Variants in MAST2 observed in about 807,000 individuals in gnomAD.
MAST2 encodes the protein microtubule-associated serine/threonine-protein kinase 2.
Under a neutral mutation model 147.4 loss-of-function variants are expected in MAST2, and 70 were observed. The observed-to-expected ratio is 0.47, with a 90% CI of 0.39 to 0.58. MAST2 has a LOEUF of 0.58. MAST2 is among the 20% of genes least tolerant of loss of function. MAST2 has a pLI of 0.00. For missense variants in MAST2, 2,080 were observed against 2,302.3 expected (o/e 0.90, Z 1.98); for synonymous variants, 869 against 896.8 (o/e 0.97, Z 0.55).
intron 3 of MAST2, among the ~76,000 whole-genome samples, chr1:45,846,824 TA>T (rs34512504): frequency 0.47 from 68,202 of 146,366 alleles, 15,539 homozygotes; most frequent in East Asian, 0.64. Context: ...GACTCCGTCT[TA>T]AAAAAAAAAA....
chr1:45,930,541 A>G (rs1344771450), intron 4 of MAST2, among the ~76,000 whole-genome samples: 5 of 152,168 alleles, frequency 3.3e-5, no homozygotes, highest in African/African-American at 1.2e-4. Flanking sequence ...GCAGGAGAAG[A>G]TGCCCACATA....
At chr1:45,951,529 G>A (rs548006875) in intron 4 of MAST2, among the ~76,000 whole-genome samples, 1 of 152,312 alleles carries the variant, frequency 6.6e-6, no homozygotes, top group East Asian at 1.9e-4. Context: ...GCAACAGTGA[G>A]TGGAGATTGA....
At chr1:45,996,049 A>G (rs1240935415) in intron 5 of MAST2, among the ~76,000 whole-genome samples, 2 of 148,446 alleles carry the variant, frequency 1.3e-5, no homozygotes, top group Non-Finnish European at 3.0e-5. Context: ...AAGTTGTCCT[A>G]CAGCTCAGTG....
intron 3 of MAST2, among the ~76,000 whole-genome samples, chr1:45,879,286 C>T (rs1480553108): frequency 2.0e-5 from 3 of 152,094 alleles, no homozygotes; most frequent in Non-Finnish European, 4.4e-5. Context: ...TCAAAAGGCT[C>T]TACTGGCCTG....
intron 4 of MAST2, among the ~76,000 whole-genome samples, chr1:45,931,736 C>T (rs571552699): frequency 8.6e-5 from 13 of 151,900 alleles, no homozygotes; most frequent in East Asian, 1.9e-4. Context: ...TCAGGTGATC[C>T]GCCCACCTCA....
chr1:45,922,607 A>G (rs577163818), intron 4 of MAST2, among the ~76,000 whole-genome samples: 2 of 152,256 alleles, frequency 1.3e-5, no homozygotes, highest in African/African-American at 4.8e-5. Context: ...GCACTGACAG[A>G]GGGGAGAAGC....
rs745859550 is a variant in MAST2 at position 46,030,767 on chromosome 1, C to T, written c.2708+6C>T. ...GTGATTGGCTCCCCTGAGATGTGAG[C>T]ACCCAGAGTTCACCCAGGGTGGGCG... On this transcript the variant is annotated splice_donor_region_variant and intron_variant, in intron 22 of 28. Coordinates refer to ENST00000361297, the MANE Select transcript of MAST2 (RefSeq NM_015112.3). 1 of 1,567,896 alleles carries T rather than the reference C, an allele frequency of 6.4e-7. No individual in the cohort carries two copies. Among genetic ancestry groups the T allele is most frequent in the South Asian group, 1.2e-5 (1 of 84,724 alleles).
At chr1:45,954,736 G>A (rs1474518650) in intron 4 of MAST2, among the ~76,000 whole-genome samples, 2 of 152,174 alleles carry the variant, frequency 1.3e-5, no homozygotes, top group Admixed American at 1.3e-4. Context: ...GTAGCAGAGT[G>A]TCTGACCTTT....
Position 45,962,739 on chromosome 1 carries a change from G to T in MAST2, c.592+3262G>T, listed in dbSNP as rs1400003154. Reference sequence around the variant, plus strand: ...TATAGGTTGCCTGTTCACTCTGATGGTGATTTCTTTTTCTGTGCAGAAGCT... The same window carrying T: ...TATAGGTTGCCTGTTCACTCTGATGTTGATTTCTTTTTCTGTGCAGAAGCT... On this transcript the variant is annotated intron_variant, in intron 5 of 28. Transcript: ENST00000361297. Among the ~76,000 whole-genome samples, 14 of 152,270 alleles carry T rather than the reference G, an allele frequency of 9.2e-5. No homozygotes were observed. The South Asian group carries it at 1.7e-3, about 18-fold the overall frequency.
At chr1:45,917,408 C>T (rs1219629590) in intron 4 of MAST2, 3 of 1,366,630 alleles carry the variant, frequency 2.2e-6, no homozygotes, top group East Asian at 4.5e-5. Flanking sequence ...CTCCAGCCCT[C>T]TTCCTCACTA....
At chr1:46,005,350 G>A (rs1265806712) in intron 7 of MAST2, among the ~76,000 whole-genome samples, 7 of 147,450 alleles carry the variant, frequency 4.7e-5, no homozygotes, top group African/African-American at 1.5e-4. Context: ...CAACAAGAGC[G>A]AAACTCTGTC....
chr1:45,862,087 G>A (rs1015546233), intron 3 of MAST2, among the ~76,000 whole-genome samples: 4 of 152,032 alleles, frequency 2.6e-5, no homozygotes, highest in African/African-American at 7.3e-5. Context: ...AACAAATAAA[G>A]GTTTATTATC....
At chr1:45,995,236 A>G (rs1443246847) in intron 5 of MAST2, among the ~76,000 whole-genome samples, 1 of 152,064 alleles carries the variant, frequency 6.6e-6, no homozygotes, top group African/African-American at 2.4e-5. Context: ...CCTCTGTATA[A>G]CATATCTTCT....
chr1:45,959,192 G>T (rs34102169), intron 4 of MAST2, among the ~76,000 whole-genome samples, 194 bp from the exon 5 acceptor site: 67,857 of 151,838 alleles, frequency 0.45, 15,349 homozygotes, highest in East Asian at 0.63. Flanking sequence ...AGTGAAAAAA[G>T]TTATTCCAAG....
At chr1:45,903,789 C>T (rs752598963) in intron 4 of MAST2, among the ~76,000 whole-genome samples, 2 of 152,162 alleles carry the variant, frequency 1.3e-5, no homozygotes, top group Non-Finnish European at 2.9e-5. Context: ...TGAATCGGGT[C>T]TCCATATGAA....
intron 1 of MAST2, among the ~76,000 whole-genome samples, chr1:45,806,267 GTGTACTGTTT>G (rs1450557499): frequency 1.3e-5 from 2 of 152,352 alleles, no homozygotes; most frequent in African/African-American, 2.4e-5. Context: ...GAATCATAGT[GTGTACTGTTT>G]TGTGACCAGA....
At chr1:45,927,133 G>A (rs1432149553) in intron 4 of MAST2, among the ~76,000 whole-genome samples, 3 of 152,146 alleles carry the variant, frequency 2.0e-5, no homozygotes, top group Admixed American at 2.0e-4. Flanking sequence ...GGGAGTGTGC[G>A]AATAGGTGTG....
At chr1:45,937,182 C>T (rs1447528604) in intron 4 of MAST2, among the ~76,000 whole-genome samples, 3 of 152,000 alleles carry the variant, frequency 2.0e-5, no homozygotes, top group East Asian at 1.9e-4. Flanking sequence ...GTGATCCTTC[C>T]ACTTCAGCCT....
chr1:45,959,168 A>G (rs927709569), intron 4 of MAST2, among the ~76,000 whole-genome samples: 1 of 152,184 alleles, frequency 6.6e-6, no homozygotes, highest in Admixed American at 6.5e-5. Flanking sequence ...GCAATACAAG[A>G]TGAAAGTCAA....
Sources: allele counts gnomAD v4.1 joint callset (sites outside exome capture counted in the v4.1 genomes callset), GRCh38; gene constraint gnomAD v4.1.1; transcripts MANE v1.5; gene names NCBI Gene and HGNC (gene_info 2026-07-23, HGNC 2026-07-21).